The following SHANK2 variants were observed in gnomAD, a reference collection of about 807,000 sequenced individuals.
SHANK2 encodes SH3 and multiple ankyrin repeat domains 2.
SHANK2 carries 43 observed loss-of-function variants against 133.7 expected under a neutral mutation model. The ratio of observed to expected loss-of-function variants is 0.32; its 90% CI spans 0.25 to 0.41. The LOEUF (loss-of-function observed/expected upper bound fraction) is 0.41, where lower values mean the gene tolerates loss of function less well. SHANK2 is among the 10% of genes least tolerant of loss of function. The probability of loss-of-function intolerance (pLI) is 1.00; values close to 1 mark genes in which losing one functional copy is unlikely to be tolerated. For synonymous variants in SHANK2, 1,017 were observed against 952.8 expected (o/e 1.07, Z -1.24); for missense variants, 1,994 against 2,235.8 (o/e 0.89, Z 2.18).
chr11:70,919,769 T>C (rs1950322046), intron 10 of SHANK2, among the ~76,000 whole-genome samples: 1 of 152,208 alleles, frequency 6.6e-6, no homozygotes, highest in African/African-American at 2.4e-5. Context: ...TCCCAGCTTC[T>C]GGTAGCCACT....
In SHANK2 at chr11:71,135,353, G is replaced by A. The variant is rs114520855; in HGVS notation, c.207+11767C>T. ...ATTGCTGCCCAGCTGCCCCCCAGGC[G>A]CTTAGCTGTGAAATCCCCCTGTAAA... is the stretch of plus-strand genomic sequence containing the variant. On this transcript the variant is annotated intron_variant, in intron 3 of 25. Transcript: ENST00000601538. 2.4e-3 allele frequency among the ~76,000 whole-genome samples: 368 copies of A among 152,314 alleles called. 6 individuals are homozygous for A. The highest frequency in any genetic ancestry group is 7.6e-3 in the African/African-American group (315 of 41,562).
intron 15 of SHANK2, among the ~76,000 whole-genome samples, chr11:70,670,798 G>A (rs1457493050): frequency 6.6e-6 from 1 of 152,186 alleles, no homozygotes; most frequent in Non-Finnish European, 1.5e-5. Flanking sequence ...TCCAGGGCAG[G>A]AGGTGATGAC....
chr11:70,870,593 T>TG (rs572658361), intron 11 of SHANK2, among the ~76,000 whole-genome samples: 2 of 151,836 alleles, frequency 1.3e-5, no homozygotes, highest in Non-Finnish European at 2.9e-5. Flanking sequence ...GTGTTGGCAG[T>TG]GGGGGGGTTC....
rs1950916543 is a variant in SHANK2, at chr11:71,056,155, G to T, written c.1107+326C>A. 2.0e-5 allele frequency among the ~76,000 whole-genome samples: 3 copies of T among 152,134 alleles called. No individual in the cohort carries two copies. In the South Asian group the frequency reaches 6.2e-4, roughly 32 times the overall value. On this transcript the variant is annotated intron_variant, in intron 10 of 25. Transcript: ENST00000601538. ...GAAGCTTGTCCCACTGGATGGAGGG[G>T]CGGCAGAGCCAGCATCTCCCAACAG... is the stretch of plus-strand genomic sequence containing the variant.
chr11:71,215,903 CT>C (rs1398738016), intron 2 of SHANK2, among the ~76,000 whole-genome samples: 2 of 152,184 alleles, frequency 1.3e-5, no homozygotes. Context: ...CAAATCAAAT[CT>C]TTCGAACCAC....
chr11:70,910,014 T>G (rs1950166304), intron 10 of SHANK2, among the ~76,000 whole-genome samples: 1 of 152,166 alleles, frequency 6.6e-6, no homozygotes, highest in Admixed American at 6.5e-5. Context: ...TGGCTTGCAC[T>G]GGGCCGCCTT....
intron 8 of SHANK2, among the ~76,000 whole-genome samples, chr11:71,078,448 A>C (rs1258314955): frequency 6.6e-6 from 1 of 152,272 alleles, no homozygotes; most frequent in Non-Finnish European, 1.5e-5. Context: ...TCTGGCAAGA[A>C]AGGCCAATGG....
intron 17 of SHANK2, among the ~76,000 whole-genome samples, chr11:70,514,418 G>A (rs368986101): frequency 5.9e-5 from 9 of 152,348 alleles, no homozygotes; most frequent in East Asian, 3.9e-4. Flanking sequence ...TCTATGGATG[G>A]CACAAAGGGT....
intron 3 of SHANK2, among the ~76,000 whole-genome samples, chr11:71,134,140 C>T (rs1952390716): frequency 6.6e-6 from 1 of 151,692 alleles, no homozygotes; most frequent in African/African-American, 2.4e-5. Flanking sequence ...CTGGACACAG[C>T]ACAGGTGGGA....
At chr11:71,237,194 C>A (rs1337361262) in intron 1 of SHANK2, among the ~76,000 whole-genome samples, 1 of 152,208 alleles carries the variant, frequency 6.6e-6, no homozygotes, top group Non-Finnish European at 1.5e-5. Context: ...GAGCCCAGAA[C>A]CACCAAGTAG....
chr11:70,679,593 C>T lies in SHANK2; in HGVS notation c.1854-17915G>A, dbSNP rs567774424. ...TCCCCTGTGCTGGGGAGAAGTGGGT[C>T]AGGGCTGGGCCTGGGTCCTGCCGAG... is the stretch of plus-strand genomic sequence containing the variant. On this transcript the variant is annotated intron_variant, in intron 15 of 25. Transcript: ENST00000601538. 3.3e-5 allele frequency among the ~76,000 whole-genome samples: 5 copies of T among 152,388 alleles called. No individual in the cohort carries two copies. In the South Asian group the frequency reaches 1.0e-3, roughly 32 times the overall value.
intron 15 of SHANK2, among the ~76,000 whole-genome samples, chr11:70,698,452 C>G (rs1408876197): frequency 6.6e-6 from 1 of 152,236 alleles, no homozygotes; most frequent in Admixed American, 6.5e-5. Flanking sequence ...CAGCCCTCTC[C>G]CTGGGGCCAC....
At chr11:71,108,748 T>G (rs1469765496) in intron 6 of SHANK2, among the ~76,000 whole-genome samples, 1 of 152,346 alleles carries the variant, frequency 6.6e-6, no homozygotes, top group Admixed American at 6.5e-5. Flanking sequence ...CTGTCCCCTC[T>G]GAGCCTCGCT....
intron 17 of SHANK2, among the ~76,000 whole-genome samples, chr11:70,524,927 G>A (rs1466845389): frequency 1.3e-5 from 2 of 152,354 alleles, no homozygotes; most frequent in Admixed American, 1.3e-4. Flanking sequence ...GGTCTTTGTG[G>A]AGTGTGGAGG....
intron 11 of SHANK2, among the ~76,000 whole-genome samples, chr11:70,884,973 A>C (rs185735189): frequency 2.2e-4 from 34 of 152,260 alleles, no homozygotes; most frequent in African/African-American, 7.7e-4. Context: ...CACCCACCTC[A>C]GCCTACCAAA....
chr11:70,525,532 G>A (rs979390675), intron 17 of SHANK2, among the ~76,000 whole-genome samples: 6 of 152,052 alleles, frequency 3.9e-5, no homozygotes, highest in Admixed American at 3.9e-4. Flanking sequence ...TGAGAGAAAA[G>A]GGCATTTGGA....
intron 23 of SHANK2, 178 bp from the exon 24 acceptor site, chr11:70,489,526 T>TA: frequency 1.4e-6 from 1 of 690,868 alleles, no homozygotes; most frequent in Non-Finnish European, 2.6e-6. Flanking sequence ...GCTGCGCTTT[T>TA]GCACAGCAGC....
chr11:70,862,993 G>T, intron 11 of SHANK2: 1 of 307,772 alleles, frequency 3.2e-6, no homozygotes, highest in South Asian at 3.1e-5. Context: ...CAGGGACATG[G>T]GCTAAAAGGT....
At chr11:70,538,672 T>A (rs2136013287) in intron 17 of SHANK2, among the ~76,000 whole-genome samples, 1 of 151,914 alleles carries the variant, frequency 6.6e-6, no homozygotes, top group South Asian at 2.1e-4. Context: ...AGTGGTGGAG[T>A]CTGTGCTGGT....
Sources: allele counts gnomAD v4.1 joint callset (sites outside exome capture counted in the v4.1 genomes callset), GRCh38; gene constraint gnomAD v4.1.1; transcripts MANE v1.5; gene names NCBI Gene and HGNC (gene_info 2026-07-23, HGNC 2026-07-21).